Variants in RGS9 observed in about 807,000 individuals in gnomAD.
RGS9 encodes regulator of G-protein signalling 9.
RGS9 carries 78 observed loss-of-function variants against 102.0 expected under a neutral mutation model. That is an observed-to-expected ratio of 0.76 (90% CI 0.64 to 0.92). The LOEUF (loss-of-function observed/expected upper bound fraction) is 0.92. RGS9 is among the 40% of genes least tolerant of loss of function. The probability of loss-of-function intolerance (pLI) is 0.00; values close to 1 mark genes in which losing one functional copy is unlikely to be tolerated. For synonymous variants in RGS9, 353 were observed against 318.6 expected, an observed-to-expected ratio of 1.11 and a Z score of -1.15; for missense variants, 833 against 866.1, an observed-to-expected ratio of 0.96 and a Z score of 0.48.
intron 1 of RGS9, among the ~76,000 whole-genome samples, chr17:65,139,577 G>T (rs964418898): frequency 6.6e-6 from 1 of 152,050 alleles, no homozygotes; most frequent in Non-Finnish European, 1.5e-5. Context: ...CATGCCTCAG[G>T]GTCCGTCTGC....
chr17:65,162,232 G>T lies in RGS9; in HGVS notation c.424-781G>T, dbSNP rs1467478975. Among the ~76,000 whole-genome samples the T allele has an allele frequency of 2.0e-5, 3 of 151,848 alleles. No individual in the cohort carries two copies. In the East Asian group the frequency reaches 5.9e-4, roughly 30 times the overall value. On this transcript the variant is annotated intron_variant, in intron 6 of 18. Transcript: ENST00000262406. ...ATAGTGAGACCCTATCTCTACAAAA[G>T]ATTAAAAAATTAGCCAGGTGTGGTG...
At chr17:65,211,507 T>C (rs944033166) in intron 17 of RGS9, among the ~76,000 whole-genome samples, 1 of 152,212 alleles carries the variant, frequency 6.6e-6, no homozygotes. Context: ...GGATCAGAGA[T>C]GATACTCTCT....
At chr17:65,202,444 T>A (rs75318039) in intron 14 of RGS9, among the ~76,000 whole-genome samples, 1,998 of 131,696 alleles carry the variant, frequency 0.015, 32 homozygotes, top group African/African-American at 0.031. Flanking sequence ...TGTGTGTGTG[T>A]GAGAGAGAGA....
At chr17:65,161,228 T>G (rs1236514462) in intron 6 of RGS9, among the ~76,000 whole-genome samples, 2 of 152,204 alleles carry the variant, frequency 1.3e-5, no homozygotes, top group African/African-American at 4.8e-5. Flanking sequence ...GGACAACCCT[T>G]GGTTAACAGA....
chr17:65,181,185 A>G (rs186208471), intron 9 of RGS9, among the ~76,000 whole-genome samples: 1 of 152,182 alleles, frequency 6.6e-6, no homozygotes, highest in African/African-American at 2.4e-5. Context: ...TGCTGGGTCA[A>G]TGGTAATTCT....
intron 1 of RGS9, among the ~76,000 whole-genome samples, chr17:65,138,383 T>A (rs1909995737): frequency 6.6e-6 from 1 of 152,134 alleles, no homozygotes. Flanking sequence ...CTTAGGCTTA[T>A]CTTGTTGAGT....
intron 9 of RGS9, chr17:65,180,041 A>C (rs1911809623): frequency 6.6e-6 from 1 of 152,036 alleles, no homozygotes; most frequent in African/African-American, 2.4e-5. Flanking sequence ...CTGTGGAATA[A>C]AGTATTAAGA....
intron 1 of RGS9, among the ~76,000 whole-genome samples, chr17:65,140,415 A>G (rs1335044956): frequency 6.6e-6 from 1 of 152,274 alleles, no homozygotes; most frequent in African/African-American, 2.4e-5. Flanking sequence ...ATGTTCTGTA[A>G]TGGATGGATT....
chr17:65,210,403 C>T (rs1913245604), intron 16 of RGS9, 85 bp from the exon 17 acceptor site: 1 of 1,484,508 alleles, frequency 6.7e-7, no homozygotes, highest in Admixed American at 1.7e-5. Flanking sequence ...GACCTTCCAG[C>T]CCCAGCTCCC....
chr17:65,174,682 A>T (rs1480742878), intron 8 of RGS9, among the ~76,000 whole-genome samples: 4 of 151,812 alleles, frequency 2.6e-5, no homozygotes, highest in African/African-American at 9.7e-5. Flanking sequence ...GTGAGCATGC[A>T]TATGTGTGTG....
intron 7 of RGS9, among the ~76,000 whole-genome samples, chr17:65,165,174 C>T: frequency 6.6e-6 from 1 of 152,060 alleles, no homozygotes; most frequent in Non-Finnish European, 1.5e-5. Context: ...GACTATGAAC[C>T]CTGACATCTG....
chr17:65,166,104 G>A (rs1439857196), intron 7 of RGS9, among the ~76,000 whole-genome samples: 1 of 152,148 alleles, frequency 6.6e-6, no homozygotes, highest in Non-Finnish European at 1.5e-5. Flanking sequence ...GCATCAGGGA[G>A]GGTTGTTAGA....
At chr17:65,182,008 T>C (rs1911903225) in intron 9 of RGS9, among the ~76,000 whole-genome samples, 1 of 152,220 alleles carries the variant, frequency 6.6e-6, no homozygotes, top group Non-Finnish European at 1.5e-5. Context: ...TTCTGCCTTT[T>C]CACCTTCTCA....
chr17:65,201,299 C>G (rs961199009), intron 13 of RGS9, among the ~76,000 whole-genome samples: 2 of 152,198 alleles, frequency 1.3e-5, no homozygotes, highest in African/African-American at 4.8e-5. Context: ...GGCCAATCCC[C>G]TCTGGCTCAG....
rs75701301 is a variant in RGS9, at chr17:65,172,179, A to G, written c.582+3898A>G. Among the ~76,000 whole-genome samples, 1,466 of 152,276 alleles carry G rather than the reference A, an allele frequency of 9.6e-3. 24 individuals are homozygous for G. The highest frequency in any genetic ancestry group is 0.031 in the African/African-American group (1,286 of 41,532). On this transcript the variant is annotated intron_variant, in intron 8 of 18. Coordinates refer to ENST00000262406, the MANE Select transcript of RGS9 (RefSeq NM_003835.4). ...CAAAGGCCATTCATTGATCTAGGAAAATGATCTGACATACAATGTGTTTTT... is the reference window on the plus strand; with the variant it reads ...CAAAGGCCATTCATTGATCTAGGAAGATGATCTGACATACAATGTGTTTTT...
intron 11 of RGS9, among the ~76,000 whole-genome samples, chr17:65,192,888 A>G (rs569269259): frequency 6.6e-6 from 1 of 152,276 alleles, no homozygotes; most frequent in South Asian, 2.1e-4. Flanking sequence ...AGATGGGTGC[A>G]GAGACACAAG....
intron 10 of RGS9, among the ~76,000 whole-genome samples, chr17:65,189,731 G>T (rs1912286860): frequency 6.6e-6 from 1 of 152,204 alleles, no homozygotes; most frequent in Non-Finnish European, 1.5e-5. Flanking sequence ...GGGGCATTGA[G>T]CTGGGGTGTA....
intron 16 of RGS9, 110 bp downstream of exon 16, chr17:65,208,117 T>TC: frequency 1.3e-6 from 1 of 763,628 alleles, no homozygotes; most frequent in Non-Finnish European, 2.3e-6. Context: ...GATGAAAATA[T>TC]TGGGGACTGG....
At chr17:65,160,984 C>A in intron 6 of RGS9, 75 bp downstream of exon 6, 1 of 1,184,398 alleles carries the variant, frequency 8.4e-7, no homozygotes, top group Non-Finnish European at 1.3e-6. Flanking sequence ...TCCTCATTCC[C>A]ACATCACTAC....
Sources: gnomAD v4.1 joint callset for allele counts (sites outside exome capture counted in the v4.1 genomes callset) on GRCh38, gnomAD v4.1.1 for gene constraint, MANE v1.5 for transcripts, NCBI Gene and HGNC (gene_info 2026-07-23, HGNC 2026-07-21) for gene names.